EVC: variants seen among roughly 807,000 people sequenced by gnomAD.
The protein encoded by EVC is EvC ciliary complex subunit 1, also known as evC complex member EVC.
A neutral mutation model predicts 118.9 loss-of-function variants in EVC; 116 were observed. That is an observed-to-expected ratio of 0.98 (90% CI 0.84 to 1.14). The LOEUF (loss-of-function observed/expected upper bound fraction) is 1.14. EVC is among the 50% of genes most tolerant of loss of function. The pLI is 0.00. For synonymous variants in EVC, 619 were observed against 534.7 expected, an observed-to-expected ratio of 1.16 and a Z score of -2.18; for missense variants, 1,401 against 1,246.4, an observed-to-expected ratio of 1.12 and a Z score of -1.87.
chr4:5,750,851 A>G (rs566941026), intron 8 of EVC, among the ~76,000 whole-genome samples: 18 of 152,182 alleles, frequency 1.2e-4, no homozygotes, highest in Admixed American at 2.6e-4. Context: ...TGGATTCACT[A>G]TGCCTGCATA....
intron 5 of EVC, among the ~76,000 whole-genome samples, chr4:5,739,212 T>G (rs1212240024): frequency 6.6e-6 from 1 of 152,174 alleles, no homozygotes; most frequent in African/African-American, 2.4e-5. Context: ...ACTGATTTAT[T>G]TGGGGTCAGG....
At chr4:5,772,960 T>G (rs984893951) in intron 11 of EVC, among the ~76,000 whole-genome samples, 1 of 152,130 alleles carries the variant, frequency 6.6e-6, no homozygotes, top group Non-Finnish European at 1.5e-5. Flanking sequence ...CCTGTCTAAC[T>G]TAGGACTTCC....
the EVC span, chr4:5,826,028 A>T: frequency 3.3e-6 from 1 of 306,604 alleles, no homozygotes; most frequent in African/African-American, 2.3e-5. Flanking sequence ...CTTAAATCAC[A>T]TACAGATCTT....
downstream of EVC, among the ~76,000 whole-genome samples, chr4:5,817,946 AAG>A (rs1233362438): frequency 6.6e-6 from 1 of 152,184 alleles, no homozygotes; most frequent in Non-Finnish European, 1.5e-5. Flanking sequence ...CTCACTTTTT[AAG>A]AGTCAATATG....
At chr4:5,717,582 C>T (rs1035459848) in intron 1 of EVC, among the ~76,000 whole-genome samples, 33 of 152,154 alleles carry the variant, frequency 2.2e-4, no homozygotes, top group Non-Finnish European at 4.1e-4. Flanking sequence ...TGGTAAACAA[C>T]CCCCCAAATC....
At position 5,798,735 on chromosome 4, in the gene EVC, G is replaced by T; in HGVS notation, c.2247G>T (p.Leu749=). The T allele has an allele frequency of 6.2e-7, 1 of 1,611,146 alleles. No individual in the cohort carries two copies. ...HMECAIGQAL[L]VHARNAATKS... Reference sequence around the variant, plus strand: ...AGTGCGCCATTGGGCAGGCGCTGCTGGTGCATGCACGGAATGCAGCCACCA... The same window carrying T: ...AGTGCGCCATTGGGCAGGCGCTGCTTGTGCATGCACGGAATGCAGCCACCA... Residue 749 remains leucine (L), a synonymous_variant, in exon 15 of 21, where the codon CTG becomes CTT. Coordinates refer to ENST00000264956, the MANE Select transcript of EVC (RefSeq NM_153717.3). The surrounding 1 kb of genome is among the most constrained non-coding windows in gnomAD (Gnocchi z 4.1).
At chr4:5,805,860 C>T (rs1209515320) in intron 17 of EVC, among the ~76,000 whole-genome samples, 1 of 151,106 alleles carries the variant, frequency 6.6e-6, no homozygotes, top group South Asian at 2.1e-4. Context: ...CTCCCTGTCA[C>T]ACCTCCTTGA....
chr4:5,802,874 T>C (rs1364647378), intron 16 of EVC, among the ~76,000 whole-genome samples: 3 of 152,120 alleles, frequency 2.0e-5, no homozygotes, highest in African/African-American at 7.2e-5. Flanking sequence ...CCAGTACTAG[T>C]CTGTGGCCCA....
chr4:5,756,242 T>C lies in EVC; in HGVS notation c.1465-22T>C. ...AAAACCCTGCATGTTTCTACCAGACTCAGCTCTTGTTTTCCTCACAGGCTT... is the reference window on the plus strand; with the variant it reads ...AAAACCCTGCATGTTTCTACCAGACCCAGCTCTTGTTTTCCTCACAGGCTT... On this transcript the variant is annotated intron_variant, in intron 10 of 20. Transcript: ENST00000264956. The surrounding 1 kb of genome is among the most constrained non-coding windows in gnomAD (Gnocchi z 4.2). 1.3e-6 allele frequency: 2 copies of C among 1,549,228 alleles called. No homozygotes were observed. The highest frequency in any genetic ancestry group is 1.8e-6 in the Non-Finnish European group (2 of 1,126,644).
intron 5 of EVC, among the ~76,000 whole-genome samples, chr4:5,736,940 TATGAAGC>T (rs1212614952): frequency 9.8e-5 from 15 of 152,300 alleles, no homozygotes; most frequent in African/African-American, 3.4e-4. Context: ...AGCTAGAAAT[TATGAAGC>T]ATAGTGAGGA....
chr4:5,800,067 G>A (rs1027292672), intron 15 of EVC, among the ~76,000 whole-genome samples: 1 of 152,238 alleles, frequency 6.6e-6, no homozygotes, highest in African/African-American at 2.4e-5. Flanking sequence ...AAGTGAGGCC[G>A]AGCGCAGTGG....
In EVC at chr4:5,741,828, C is replaced by G. The variant is rs768389564; in HGVS notation, c.801+14C>G. On this transcript the variant is annotated intron_variant, in intron 6 of 20. Transcript: ENST00000264956. ...AAACAAGAAAAAGTAAGTCTTCAAC[C>G]TATGTTTCAAGGTAACTTAAAAATA... The G allele has an allele frequency of 7.3e-7, 1 of 1,362,422 alleles. No homozygotes were observed. Among genetic ancestry groups the G allele is most frequent in the Non-Finnish European group, 1.0e-6 (1 of 955,268 alleles). The allele number at this position is 1,362,422 out of a possible 1,614,324, so 84.4% of individuals were successfully genotyped here.
chr4:5,753,967 T>C (rs1730796343), intron 10 of EVC, 34 bp downstream of exon 10: 1 of 1,611,944 alleles, frequency 6.2e-7, no homozygotes, highest in Non-Finnish European at 8.5e-7. Flanking sequence ...CACATGTGGG[T>C]GAGCCAGTTG....
At chr4:5,793,552 A>G in intron 12 of EVC, 56 bp from the exon 13 acceptor site, 9 of 1,397,576 alleles carry the variant, frequency 6.4e-6, no homozygotes, top group Non-Finnish European at 8.9e-6. Context: ...CCTAGCAAGC[A>G]GGATTGTTGA....
At chr4:5,763,436 A>G (rs1427711413) in intron 11 of EVC, among the ~76,000 whole-genome samples, 1 of 136,758 alleles carries the variant, frequency 7.3e-6, no homozygotes, top group Non-Finnish European at 1.6e-5. Flanking sequence ...AATTCTGTGA[A>G]GAAAGTCATT....
chr4:5,713,551 C>G (rs908564176), intron 1 of EVC, among the ~76,000 whole-genome samples: 1 of 152,060 alleles, frequency 6.6e-6, no homozygotes, highest in Admixed American at 6.5e-5. Flanking sequence ...GTGGCAGGAG[C>G]CTGTAATCCC....
chr4:5,722,565 T>C (rs1053074454), intron 2 of EVC, among the ~76,000 whole-genome samples: 2 of 152,164 alleles, frequency 1.3e-5, no homozygotes, highest in East Asian at 3.9e-4. Context: ...CTCTGTTTAA[T>C]GAACAACTCA....
At chr4:5,781,041 G>A (rs375194377) in intron 11 of EVC, among the ~76,000 whole-genome samples, 35 of 152,230 alleles carry the variant, frequency 2.3e-4, no homozygotes, top group African/African-American at 7.9e-4. Context: ...CAGTCATACG[G>A]GCACATCTCC....
chr4:5,720,575 G>T (rs966903472), intron 2 of EVC, among the ~76,000 whole-genome samples: 1 of 152,200 alleles, frequency 6.6e-6, no homozygotes, highest in Non-Finnish European at 1.5e-5. Flanking sequence ...TTTCCCCAAA[G>T]GTCCGACGTC....
Sources: allele counts gnomAD v4.1 joint callset (sites outside exome capture counted in the v4.1 genomes callset), GRCh38; gene constraint gnomAD v4.1.1; non-coding constraint Gnocchi (gnomAD v3.1); transcripts MANE v1.5; gene names NCBI Gene and HGNC (gene_info 2026-07-23, HGNC 2026-07-21).